BICD1: variants seen among roughly 807,000 people sequenced by gnomAD.
The protein encoded by BICD1 is protein bicaudal D homolog 1.
In BICD1, 35 loss-of-function variants were observed where a neutral mutation model predicts 92.5. The ratio of observed to expected loss-of-function variants is 0.38; its 90% confidence interval spans 0.29 to 0.50. The LOEUF is 0.50. Among genes scored for constraint, BICD1 ranks in the 20% least tolerant of loss-of-function variants. The pLI, the probability that BICD1 is intolerant of heterozygous loss-of-function variation, is 0.93. For missense variants in BICD1, 950 were observed against 1,189.8 expected (o/e 0.80, Z 2.97); for synonymous variants, 429 against 465.1 (o/e 0.92, Z 1.00).
At chr12:32,356,366 A>G (rs1273690503) in intron 8 of BICD1, among the ~76,000 whole-genome samples, 1 of 152,162 alleles carries the variant, frequency 6.6e-6, no homozygotes, top group African/African-American at 2.4e-5. Context: ...TAGAGAATAA[A>G]GAGGGCCAGG....
chr12:32,342,192 A>ATG (rs1185218186), intron 8 of BICD1, among the ~76,000 whole-genome samples: 242 of 109,980 alleles, frequency 2.2e-3, no homozygotes, highest in African/African-American at 6.9e-3. Context: ...GTATATATAT[A>ATG]TGTGTGTGTG....
intron 1 of BICD1, among the ~76,000 whole-genome samples, chr12:32,129,549 T>G (rs77734904): frequency 7.7e-6 from 1 of 130,110 alleles, no homozygotes; most frequent in African/African-American, 2.9e-5. Context: ...AAAAAAAAAT[T>G]CTGTAAACAC....
chr12:32,256,401 T>C (rs1210246245), intron 2 of BICD1, among the ~76,000 whole-genome samples: 1 of 152,134 alleles, frequency 6.6e-6, no homozygotes, highest in East Asian at 1.9e-4. Context: ...CTGATATACA[T>C]ATGATTATCA....
intron 1 of BICD1, among the ~76,000 whole-genome samples, chr12:32,215,763 C>A (rs1219002467): frequency 6.7e-6 from 1 of 148,982 alleles, no homozygotes; most frequent in Non-Finnish European, 1.5e-5. Flanking sequence ...TCCTGGCTAA[C>A]AAGGTGAAAC....
chr12:32,135,512 C>A (rs2121330443), intron 1 of BICD1, among the ~76,000 whole-genome samples: 1 of 139,374 alleles, frequency 7.2e-6, no homozygotes, highest in South Asian at 2.4e-4. Context: ...GTGATCCTTA[C>A]ATCTCAGCCT....
intron 2 of BICD1, among the ~76,000 whole-genome samples, chr12:32,218,511 C>T (rs1220489264): frequency 2.0e-5 from 3 of 152,294 alleles, no homozygotes; most frequent in Admixed American, 1.3e-4. Flanking sequence ...TTTTGGCCTG[C>T]CCAAAGCTGA....
chr12:32,166,586 A>G (rs185333767), intron 1 of BICD1, among the ~76,000 whole-genome samples: 271 of 152,302 alleles, frequency 1.8e-3, no homozygotes, highest in Non-Finnish European at 3.5e-3. Flanking sequence ...GCCCAGGCTG[A>G]GAAAGCTTGA....
chr12:32,115,545 C>T (rs894527603), intron 1 of BICD1, among the ~76,000 whole-genome samples: 5 of 151,796 alleles, frequency 3.3e-5, no homozygotes, highest in Non-Finnish European at 7.4e-5. Flanking sequence ...AAAATGAGAC[C>T]GATTAGGGAA....
intron 1 of BICD1, among the ~76,000 whole-genome samples, chr12:32,171,551 A>G (rs1379755817): frequency 1.3e-5 from 2 of 152,160 alleles, no homozygotes; most frequent in Non-Finnish European, 2.9e-5. Flanking sequence ...TCTGGAGTAC[A>G]CAGTAAGGCT....
rs116806690 is a variant in BICD1, at chr12:32,224,656, T to C, written c.426+8197T>C. ...AAGTGGGTTTGTTTGTAAGGATTAG[T>C]TTGCAATTCAGGCTCATAGAATTTT... On this transcript the variant is annotated intron_variant, in intron 2 of 9. Coordinates refer to ENST00000652176, the MANE Select transcript of BICD1 (RefSeq NM_001714.4). Among the ~76,000 whole-genome samples, 978 of 152,308 alleles carry C rather than the reference T, an allele frequency of 6.4e-3. 13 individuals are homozygous for C. Among genetic ancestry groups the C allele is most frequent in the African/African-American group, 0.022 (922 of 41,558 alleles).
chr12:32,160,694 A>T (rs1011341392), intron 1 of BICD1, among the ~76,000 whole-genome samples: 1 of 152,200 alleles, frequency 6.6e-6, no homozygotes, highest in African/African-American at 2.4e-5. Context: ...TCATTCATTC[A>T]TGCAGCAATT....
intron 2 of BICD1, among the ~76,000 whole-genome samples, chr12:32,268,278 G>T (rs11051887): frequency 1.3e-5 from 2 of 152,090 alleles, no homozygotes; most frequent in Non-Finnish European, 2.9e-5. Flanking sequence ...GAAGGGATGC[G>T]CCAGGATGGA....
chr12:32,346,953 C>CTTTTTT (rs546760175), intron 8 of BICD1, among the ~76,000 whole-genome samples: 1 of 136,444 alleles, frequency 7.3e-6, no homozygotes, highest in African/African-American at 2.7e-5. Flanking sequence ...CTTTTCTTTT[C>CTTTTTT]TTTTTTTTTT....
chr12:32,257,309 C>T (rs186982629), intron 2 of BICD1, among the ~76,000 whole-genome samples: 33 of 150,582 alleles, frequency 2.2e-4, no homozygotes, highest in African/African-American at 7.8e-4. Context: ...AAAGGTTGGA[C>T]ATTTTGTTAG....
Position 32,287,531 on chromosome 12 carries a change from G to GTTTTTT in BICD1, c.427-6457_427-6452dup, listed in dbSNP as rs576396740. Reference sequence around the variant, plus strand: ...TTTGGGCTGTGCTCAGCTGGGTGGTGTTTTTTTTTTTGTTTTTTTTTTTGA... The same window carrying GTTTTTT: ...TTTGGGCTGTGCTCAGCTGGGTGGTGTTTTTTTTTTTTTTTTTGTTTTTTTTTTTGA... On this transcript the variant is annotated intron_variant, in intron 2 of 9. Transcript: ENST00000652176. Among the ~76,000 whole-genome samples the GTTTTTT allele has an allele frequency of 3.4e-4, 41 of 120,218 alleles. 3 individuals are homozygous for GTTTTTT. The highest frequency in any genetic ancestry group is 1.8e-3 in the East Asian group (8 of 4,536). 78.9% of individuals were successfully genotyped at this position (120,218 alleles called of 152,430 possible).
intron 8 of BICD1, chr12:32,354,058 G>T (rs1202780620): frequency 4.6e-5 from 7 of 152,114 alleles, no homozygotes; most frequent in Non-Finnish European, 1.0e-4. Context: ...ATTGTAAGTT[G>T]TTCAGAAATA....
At chr12:32,365,439 G>C (rs1565699226) in intron 8 of BICD1, among the ~76,000 whole-genome samples, 1 of 152,144 alleles carries the variant, frequency 6.6e-6, no homozygotes, top group Non-Finnish European at 1.5e-5. Context: ...ATCTGTGACT[G>C]TATTGGCAAA....
chr12:32,146,992 T>C (rs1565546628), intron 1 of BICD1, among the ~76,000 whole-genome samples: 1 of 151,792 alleles, frequency 6.6e-6, no homozygotes, highest in Non-Finnish European at 1.5e-5. Context: ...CAGGCTGGAA[T>C]GTAGTGGTAT....
chr12:32,247,387 G>C (rs1565616016), intron 2 of BICD1, among the ~76,000 whole-genome samples: 1 of 152,158 alleles, frequency 6.6e-6, no homozygotes, highest in African/African-American at 2.4e-5. Context: ...CCATGGGCTT[G>C]GAGGAGATAA....
Sources: gnomAD v4.1 joint callset for allele counts (sites outside exome capture counted in the v4.1 genomes callset) on GRCh38, gnomAD v4.1.1 for gene constraint, MANE v1.5 for transcripts, NCBI Gene and HGNC (gene_info 2026-07-23, HGNC 2026-07-21) for gene names.